Variants in XYLT1 observed in about 807,000 individuals in gnomAD.
The protein encoded by XYLT1 is xylosyltransferase 1.
In XYLT1, 36 loss-of-function variants were observed where a neutral mutation model predicts 91.3. The ratio of observed to expected loss-of-function variants is 0.39; its 90% CI spans 0.30 to 0.52. The LOEUF (loss-of-function observed/expected upper bound fraction) is 0.52, where lower values mean the gene tolerates loss of function less well. Among genes scored for constraint, XYLT1 ranks in the 20% least tolerant of loss-of-function variants. The probability of loss-of-function intolerance (pLI) is 0.68; values close to 1 mark genes in which losing one functional copy is unlikely to be tolerated. For synonymous variants in XYLT1, 588 were observed against 532.0 expected (o/e 1.11, Z -1.45); for missense variants, 1,242 against 1,284.5 (o/e 0.97, Z 0.51).
At chr16:17,392,287 C>T (rs116466790) in intron 1 of XYLT1, among the ~76,000 whole-genome samples, 19 of 152,258 alleles carry the variant, frequency 1.2e-4, no homozygotes, top group African/African-American at 2.6e-4. Flanking sequence ...TTCTCTCTGC[C>T]GCCTCAAGGC....
Position 17,285,874 on chromosome 16 carries a change from CTGTGTGTGTGTGTGTGTGTGTG to C in XYLT1, c.403-26398_403-26377del, listed in dbSNP as rs56267931. On this transcript the variant is annotated intron_variant, in intron 2 of 11. Transcript: ENST00000261381. ...GTCTAGCCCCAAACCTGGTGTATCT[CTGTGTGTGTGTGTGTGTGTGTG>C]TGTGTGTGTGTGTGTGTGTGTGTCC... Among the ~76,000 whole-genome samples, 566 of 145,260 alleles carry C rather than the reference CTGTGTGTGTGTGTGTGTGTGTG, an allele frequency of 3.9e-3. 4 individuals are homozygous for C. The highest frequency in any genetic ancestry group is 0.013 in the African/African-American group (523 of 39,758).
At chr16:17,111,136 G>C (rs1038624987) in intron 11 of XYLT1, among the ~76,000 whole-genome samples, 1 of 152,156 alleles carries the variant, frequency 6.6e-6, no homozygotes, top group African/African-American at 2.4e-5. Flanking sequence ...CTCCAGCCTG[G>C]TCGATAGAGT....
In XYLT1 at chr16:17,159,646, C is replaced by T. The variant is rs137859951; in HGVS notation, c.1290-737G>A. On this transcript the variant is annotated intron_variant, in intron 5 of 11. Coordinates refer to ENST00000261381, the MANE Select transcript of XYLT1 (RefSeq NM_022166.4). ...AGCAATGAATGCATCAATGAATGGACGGATACCAAGTCCTCGATAACCACG... is the reference window on the plus strand; with the variant it reads ...AGCAATGAATGCATCAATGAATGGATGGATACCAAGTCCTCGATAACCACG... Among the ~76,000 whole-genome samples the T allele has an allele frequency of 4.1e-4, 62 of 152,322 alleles. 1 individual carries two copies. In the Middle Eastern group the frequency reaches 0.017, roughly 42 times the overall value.
chr16:17,329,225 G>A (rs1022004384), intron 2 of XYLT1, among the ~76,000 whole-genome samples: 1 of 152,230 alleles, frequency 6.6e-6, no homozygotes, highest in Non-Finnish European at 1.5e-5. Flanking sequence ...CCCATGAGCC[G>A]TAGTTTATCA....
chr16:17,324,560 T>C (rs1210699397), intron 2 of XYLT1, among the ~76,000 whole-genome samples: 3 of 152,236 alleles, frequency 2.0e-5, no homozygotes, highest in African/African-American at 7.2e-5. Flanking sequence ...GTCCGGTTAC[T>C]ATAAAAGCTG....
intron 6 of XYLT1, among the ~76,000 whole-genome samples, chr16:17,142,224 G>A (rs570039020): frequency 1.3e-5 from 2 of 152,096 alleles, no homozygotes; most frequent in Admixed American, 6.5e-5. Flanking sequence ...AGGGTCTCAC[G>A]ATGTTGCTTA....
At chr16:17,138,569 C>T (rs1309876293) in intron 7 of XYLT1, 38 bp from the exon 8 acceptor site, 1 of 1,597,376 alleles carries the variant, frequency 6.3e-7, no homozygotes, top group East Asian at 2.3e-5. Context: ...AGACCTCTCC[C>T]AGCCTCCCAC....
intron 8 of XYLT1, 132 bp downstream of exon 8, chr16:17,138,223 T>TA: frequency 1.1e-6 from 1 of 888,378 alleles, no homozygotes; most frequent in Admixed American, 3.8e-5. Flanking sequence ...TACTGTTAAC[T>TA]ATTATTAATT....
chr16:17,134,005 C>T (rs2030605602), intron 9 of XYLT1, among the ~76,000 whole-genome samples: 1 of 152,078 alleles, frequency 6.6e-6, no homozygotes, highest in South Asian at 2.1e-4. Context: ...TCAAACTGAT[C>T]CGGGAGGAGG....
chr16:17,466,392 C>CT (rs1031621802), intron 1 of XYLT1, among the ~76,000 whole-genome samples: 2 of 152,138 alleles, frequency 1.3e-5, no homozygotes, highest in African/African-American at 4.8e-5. Context: ...GGGGCAGACT[C>CT]TTATGTCAGA....
At position 17,102,175 on chromosome 16, in the gene XYLT1, C is replaced by T. The variant is rs1005721362; in HGVS notation, c.*6520G>A. 1.3e-5 allele frequency: 2 copies of T among 152,242 alleles called. No individual in the cohort carries two copies. Among genetic ancestry groups the T allele is most frequent in the Admixed American group, 6.5e-5 (1 of 15,286 alleles). The allele number at this position is 152,242 out of a possible 1,614,324, so 9.4% of individuals were successfully genotyped here. On this transcript the variant is annotated 3_prime_UTR_variant, in exon 12 of 12. Transcript: ENST00000261381. The stretch of plus-strand genomic sequence containing the variant: ...GCCTGCAGTCTCAGCATCCCATCCA[C>T]GTGGTGCTTCCTTTAACTCTCAAAA...
intron 1 of XYLT1, among the ~76,000 whole-genome samples, chr16:17,440,450 C>A (rs2036519077): frequency 6.6e-6 from 1 of 152,168 alleles, no homozygotes; most frequent in Non-Finnish European, 1.5e-5. Context: ...ACAGTCAGCA[C>A]AACTGCATTC....
rs765703210 is a variant in XYLT1 at position 17,108,705 on chromosome 16, C to T, written c.2870G>A (p.Arg957Gln). Residue 957 changes from arginine (R) to glutamine (Q), a missense_variant, in exon 12 of 12, where the codon CGG (arginine) becomes CAG (glutamine). Around this residue, in one of 3 missense-constraint regions of XYLT1, gnomAD observed 511 missense variants for 497.0 expected, o/e 1.03. Transcript: ENST00000261381. Reference sequence around the variant, plus strand: ...TCCTCGTGCCCAGTGCTACCTGAGCCGGCCATCAGGTTTGACTGCCCCCAG... The same window carrying T: ...TCCTCGTGCCCAGTGCTACCTGAGCTGGCCATCAGGTTTGACTGCCCCCAG... ...SELGAVKPDGRLR is the reference protein window; with the variant it reads ...SELGAVKPDGQLR 74 of 1,575,366 alleles carry T rather than the reference C, an allele frequency of 4.7e-5. No individual in the cohort carries two copies. Among genetic ancestry groups the T allele is most frequent in the African/African-American group, 9.4e-5 (7 of 74,532 alleles).
At chr16:17,300,020 C>T (rs1207928544) in intron 2 of XYLT1, among the ~76,000 whole-genome samples, 2 of 152,094 alleles carry the variant, frequency 1.3e-5, no homozygotes, top group Non-Finnish European at 2.9e-5. Flanking sequence ...TAGGGAAATA[C>T]CAGATGACAA....
At position 17,198,241 on chromosome 16, in the gene XYLT1, G is replaced by A. The variant is rs780618420; in HGVS notation, c.1260C>T (p.Ile420=). The A allele has an allele frequency of 6.2e-7, 1 of 1,614,206 alleles. No individual in the cohort carries two copies. Among genetic ancestry groups the A allele is most frequent in the East Asian group, 2.2e-5 (1 of 44,876 alleles). ...EMTDWPWDFF[I]NLSAADYPIR... ...TGGGGTAGTCGGCCGCACTCAGGTT[G>A]ATGAAGAAGTCCCAGGGCCAGTCGG... Residue 420 remains isoleucine, a synonymous_variant, in exon 5 of 12, where the codon ATC becomes ATT. Transcript: ENST00000261381.
chr16:17,212,199 C>G (rs1460741030), intron 3 of XYLT1, among the ~76,000 whole-genome samples: 8 of 152,234 alleles, frequency 5.3e-5, no homozygotes, highest in Non-Finnish European at 1.5e-5. Context: ...GACAAGGACT[C>G]TGTGTTGTAA....
intron 2 of XYLT1, among the ~76,000 whole-genome samples, chr16:17,336,063 AGAG>A (rs1457109568): frequency 2.0e-5 from 3 of 152,204 alleles, no homozygotes; most frequent in Admixed American, 2.0e-4. Flanking sequence ...TAAAGGAAGA[AGAG>A]GAAAGGTGTC....
In XYLT1 at chr16:17,138,427, C is replaced by T. The variant is rs765949525; in HGVS notation, c.1692G>A (p.Gln564=). The change falls in exon 8 of 12, where the codon CAG becomes CAA. Residue 564 remains glutamine, a synonymous_variant. Coordinates refer to ENST00000261381, the MANE Select transcript of XYLT1 (RefSeq NM_022166.4). ...CGCACCAGTCCACGATGTGCTTGTA[C>T]TGGCACTTGCAGCCCAGCTTGCGAT... is the stretch of plus-strand genomic sequence containing the variant. The part of the protein sequence containing the change: ...NWNRKLGCKC[Q]YKHIVDWCGC... 6.2e-7 allele frequency: 1 copy of T among 1,614,210 alleles called. No individual in the cohort carries two copies. Among genetic ancestry groups the T allele is most frequent in the East Asian group, 2.2e-5 (1 of 44,878 alleles).
intron 5 of XYLT1, among the ~76,000 whole-genome samples, chr16:17,185,412 A>G (rs982660365): frequency 8.5e-5 from 13 of 152,202 alleles, no homozygotes; most frequent in African/African-American, 3.1e-4. Context: ...TTTCGAACCC[A>G]GGAACTTTGG....
Sources: gnomAD v4.1 joint callset for allele counts (sites outside exome capture counted in the v4.1 genomes callset) on GRCh38, gnomAD v4.1.1 for gene constraint, gnomAD v4.1.1 regional missense constraint, MANE v1.5 for transcripts, NCBI Gene and HGNC (gene_info 2026-07-23, HGNC 2026-07-21) for gene names.